The following MINDY4 variants were observed in gnomAD, a reference collection of about 807,000 sequenced individuals.
The protein encoded by MINDY4 is MINDY lysine 48 deubiquitinase 4.
Under a neutral mutation model 87.0 loss-of-function variants are expected in MINDY4, and 68 were observed. That is an observed-to-expected ratio of 0.78 (90% CI 0.64 to 0.96). The LOEUF (loss-of-function observed/expected upper bound fraction) is 0.96, where lower values mean the gene tolerates loss of function less well. MINDY4 is among the 40% of genes least tolerant of loss of function. MINDY4 has a pLI of 0.00. For missense variants in MINDY4, 919 were observed against 928.2 expected, an observed-to-expected ratio of 0.99 and a Z score of 0.13; for synonymous variants, 379 against 363.2, an observed-to-expected ratio of 1.04 and a Z score of -0.50.
intron 4 of MINDY4, among the ~76,000 whole-genome samples, chr7:30,790,829 C>T (rs28548037): frequency 0.11 from 17,210 of 152,136 alleles, 1,196 homozygotes; most frequent in African/African-American, 0.18. Context: ...AGAAGTTAAG[C>T]AGCTTGCCAC....
intron 13 of MINDY4, among the ~76,000 whole-genome samples, chr7:30,867,447 C>T (rs1789974490): frequency 6.6e-6 from 1 of 152,062 alleles, no homozygotes. Flanking sequence ...TTATATAGTT[C>T]ATCTCATTCA....
chr7:30,863,138 G>A (rs920375346), intron 13 of MINDY4, among the ~76,000 whole-genome samples: 1 of 152,128 alleles, frequency 6.6e-6, no homozygotes, highest in African/African-American at 2.4e-5. Flanking sequence ...TCCTGTTCTG[G>A]GGTTCACATT....
intron 13 of MINDY4, among the ~76,000 whole-genome samples, chr7:30,860,632 G>T (rs1362750482): frequency 6.6e-6 from 1 of 152,044 alleles, no homozygotes; most frequent in Non-Finnish European, 1.5e-5. Context: ...CCATGCGGGG[G>T]CCCTCTGGCT....
intron 5 of MINDY4, among the ~76,000 whole-genome samples, chr7:30,816,289 G>C (rs1261095503): frequency 6.9e-6 from 1 of 144,840 alleles, no homozygotes; most frequent in Non-Finnish European, 1.5e-5. Flanking sequence ...AAACTTCTGA[G>C]TCTGAGACTG....
intron 14 of MINDY4, among the ~76,000 whole-genome samples, chr7:30,873,555 G>C (rs781505488): frequency 3.4e-4 from 52 of 152,168 alleles, no homozygotes; most frequent in Non-Finnish European, 6.2e-4. Flanking sequence ...CTGGGCTGGG[G>C]CCTAAGATTC....
At chr7:30,773,354 A>G (rs1786703193) in intron 1 of MINDY4, among the ~76,000 whole-genome samples, 1 of 152,216 alleles carries the variant, frequency 6.6e-6, no homozygotes, top group South Asian at 2.1e-4. Flanking sequence ...CAGGAGGCCA[A>G]GAAACTTGCC....
In MINDY4 at chr7:30,859,307, G is replaced by T; in HGVS notation, c.1728G>T (p.Leu576=). 6.2e-7 allele frequency: 1 copy of T among 1,614,180 alleles called. No individual in the cohort carries two copies. The highest frequency in any genetic ancestry group is 8.5e-7 in the Non-Finnish European group (1 of 1,180,032). Residue 576 remains leucine, a synonymous_variant, in exon 13 of 18, where the codon CTG becomes CTT. Transcript: ENST00000265299. ...GCILLTLSAI[L]SRSTELIRQD... ...TCCTGCTCACCCTTTCTGCCATCCT[G>T]TCCAGGTCTACAGAGCTGTGAGTAT...
rs3138796 is a variant in MINDY4 at position 30,785,269 on chromosome 7, GACACAC to G, written c.420-453_420-448del. Among the ~76,000 whole-genome samples the G allele has an allele frequency of 4.9e-3, 685 of 138,572 alleles. 4 individuals carry two copies. The highest frequency in any genetic ancestry group is 0.022 in the South Asian group (95 of 4,418). The allele number at this position is 138,572 out of a possible 152,430, so 90.9% of individuals were successfully genotyped here. On this transcript the variant is annotated intron_variant, in intron 3 of 17. Transcript: ENST00000265299. ...TCTCTTACTTCCTCTCTCTCTCTCT[GACACAC>G]ACACACACACACACACACACACACA...
chr7:30,888,379 C>T (rs902560203), intron 17 of MINDY4, among the ~76,000 whole-genome samples: 2 of 152,176 alleles, frequency 1.3e-5, no homozygotes, highest in Non-Finnish European at 2.9e-5. Context: ...ATGCACACCA[C>T]GGTCTCCACA....
chr7:30,884,927 A>G (rs1790583930), intron 17 of MINDY4, among the ~76,000 whole-genome samples: 1 of 152,012 alleles, frequency 6.6e-6, no homozygotes, highest in Non-Finnish European at 1.5e-5. Flanking sequence ...TCATCTCCCA[A>G]AACTTCCTTC....
At chr7:30,828,597 T>C (rs1393666201) in intron 5 of MINDY4, 82 bp from the exon 6 acceptor site, 1 of 1,397,168 alleles carries the variant, frequency 7.2e-7, no homozygotes, top group African/African-American at 1.4e-5. Flanking sequence ...TGAATGCCTA[T>C]CCATCGCTCT....
intron 13 of MINDY4, among the ~76,000 whole-genome samples, chr7:30,868,569 G>C (rs112546161): frequency 0.033 from 4,976 of 152,290 alleles, 105 homozygotes; most frequent in Middle Eastern, 0.088. Flanking sequence ...CTGAGTCTGG[G>C]CTGACATCTG....
intron 9 of MINDY4, among the ~76,000 whole-genome samples, chr7:30,843,883 G>A (rs1326050481): frequency 6.6e-6 from 1 of 152,190 alleles, no homozygotes; most frequent in East Asian, 1.9e-4. Context: ...GGGTCATCAT[G>A]TGTGGAGGTG....
chr7:30,794,655 C>CT (rs1438378843), intron 5 of MINDY4, among the ~76,000 whole-genome samples: 1 of 152,236 alleles, frequency 6.6e-6, no homozygotes, highest in East Asian at 1.9e-4. Flanking sequence ...TTTTGTTTTT[C>CT]TTCTGTGCCC....
At chr7:30,823,836 A>C (rs894953506) in intron 5 of MINDY4, among the ~76,000 whole-genome samples, 2 of 152,226 alleles carry the variant, frequency 1.3e-5, no homozygotes, top group African/African-American at 4.8e-5. Context: ...AAATAAAAAA[A>C]CAAAAAACTT....
chr7:30,783,663 T>G (rs1787069334), intron 3 of MINDY4, among the ~76,000 whole-genome samples: 1 of 152,224 alleles, frequency 6.6e-6, no homozygotes, highest in Non-Finnish European at 1.5e-5. Flanking sequence ...CGCTTTGTGT[T>G]TTCAAAATCT....
At chr7:30,773,867 C>G (rs563481906) in intron 1 of MINDY4, among the ~76,000 whole-genome samples, 1 of 152,184 alleles carries the variant, frequency 6.6e-6, no homozygotes, top group South Asian at 2.1e-4. Context: ...TCCCTCGGGC[C>G]TACCATAACC....
intron 15 of MINDY4, among the ~76,000 whole-genome samples, chr7:30,880,251 C>A (rs1025736025): frequency 7.9e-5 from 12 of 151,970 alleles, no homozygotes; most frequent in African/African-American, 1.9e-4. Flanking sequence ...CATGTTCCCC[C>A]ACCAGGACAA....
chr7:30,775,374 A>G (rs1786778417), intron 1 of MINDY4, among the ~76,000 whole-genome samples: 1 of 152,336 alleles, frequency 6.6e-6, no homozygotes, highest in African/African-American at 2.4e-5. Context: ...CCAGTTTACT[A>G]TAAAGGACAC....
Sources: allele counts gnomAD v4.1 joint callset (sites outside exome capture counted in the v4.1 genomes callset), GRCh38; gene constraint gnomAD v4.1.1; transcripts MANE v1.5; gene names NCBI Gene and HGNC (gene_info 2026-07-23, HGNC 2026-07-21).